RASGRF2: variants seen among roughly 807,000 people sequenced by gnomAD.
RASGRF2 encodes the protein Ras protein specific guanine nucleotide releasing factor 2.
Under a neutral mutation model 151.0 loss-of-function variants are expected in RASGRF2, and 76 were observed. That is an observed-to-expected ratio of 0.50 (90% CI 0.42 to 0.61). The LOEUF (loss-of-function observed/expected upper bound fraction) is 0.61, where lower values mean the gene tolerates loss of function less well. Among genes scored for constraint, RASGRF2 ranks in the 20% least tolerant of loss-of-function variants. The pLI is 0.00. For missense variants in RASGRF2, 1,148 were observed against 1,564.6 expected, an observed-to-expected ratio of 0.73 and a Z score of 4.49; for synonymous variants, 504 against 566.5, an observed-to-expected ratio of 0.89 and a Z score of 1.57.
intron 4 of RASGRF2, among the ~76,000 whole-genome samples, chr5:81,071,855 A>G (rs1751786379): frequency 6.6e-6 from 1 of 152,176 alleles, no homozygotes; most frequent in Non-Finnish European, 1.5e-5. Context: ...TAAGTGAAGC[A>G]TCTATTGGTC....
rs145396137 is a variant in RASGRF2 at position 81,085,445 on chromosome 5, C to G, written c.1162-357C>G. The stretch of plus-strand genomic sequence containing the variant: ...CAAATGGACTAATATATCTAAAATA[C>G]AGACTCAAGTGACTTGATGATAGCT... On this transcript the variant is annotated intron_variant, in intron 7 of 26. Transcript: ENST00000265080. Among the ~76,000 whole-genome samples, 392 of 152,260 alleles carry G rather than the reference C, an allele frequency of 2.6e-3. 2 individuals carry two copies. The highest frequency in any genetic ancestry group is 6.6e-3 in the Admixed American group (101 of 15,292).
chr5:81,059,227 A>G (rs1423572873), intron 2 of RASGRF2, among the ~76,000 whole-genome samples: 1 of 151,752 alleles, frequency 6.6e-6, no homozygotes, highest in African/African-American at 2.4e-5. Flanking sequence ...ACTAAAAAAT[A>G]CAAAAAATTA....
chr5:81,033,634 T>C (rs1474097663), intron 1 of RASGRF2, among the ~76,000 whole-genome samples: 2 of 150,954 alleles, frequency 1.3e-5, no homozygotes, highest in Admixed American at 6.6e-5. Flanking sequence ...TTACACCTTA[T>C]ACAAAAATTA....
chr5:81,068,483 GT>G (rs769752470), intron 3 of RASGRF2, among the ~76,000 whole-genome samples: 1 of 150,006 alleles, frequency 6.7e-6, no homozygotes, highest in Admixed American at 6.7e-5. Context: ...GCATTTAACT[GT>G]TTTCAGATAC....
chr5:81,117,023 T>A (rs533651013), intron 15 of RASGRF2, among the ~76,000 whole-genome samples: 152 of 152,356 alleles, frequency 1.0e-3, no homozygotes, highest in African/African-American at 3.4e-3. Context: ...CTATTTGATA[T>A]CAGCATGATT....
rs1253032502 is a variant in RASGRF2, at chr5:81,068,056, G to A, written c.420G>A (p.Arg140=). The A allele has an allele frequency of 6.2e-7, 1 of 1,606,364 alleles. No individual in the cohort carries two copies. The highest frequency in any genetic ancestry group is 1.1e-5 in the South Asian group (1 of 89,744). ...QASYADILIE[R]EVLMQKYIHL... The stretch of plus-strand genomic sequence containing the variant: ...GTTATGCAGACATTTTGATTGAGAG[G>A]GAAGTATTAATGCAGAAGTACATTC... The change falls in exon 3 of 27, where the codon AGG becomes AGA. Residue 140 remains arginine (R), a synonymous_variant. Transcript: ENST00000265080.
At chr5:80,989,941 A>G (rs746396490) in intron 1 of RASGRF2, among the ~76,000 whole-genome samples, 12 of 152,118 alleles carry the variant, frequency 7.9e-5, no homozygotes, top group South Asian at 2.1e-4. Context: ...TCAGACCACT[A>G]TTGTTTGTCT....
rs1201798094 is a variant in RASGRF2, at chr5:81,228,422, G to GT, written c.*2658dup. 6.6e-6 allele frequency: 1 copy of GT among 152,174 alleles called. No homozygotes were observed. The allele number at this position is 152,174 out of a possible 1,614,324, so 9.4% of individuals were successfully genotyped here. A position where few individuals can be genotyped will look rare whatever the true frequency, so the allele number is the denominator to read the frequency against. ...AAAATCCCCAAGAGCAATTTGCAGT[G>GT]TTTTTTCTGGTCGTTAAAGTACCCA... is the stretch of plus-strand genomic sequence containing the variant. On this transcript the variant is annotated 3_prime_UTR_variant, in exon 27 of 27. Coordinates refer to ENST00000265080, the MANE Select transcript of RASGRF2 (RefSeq NM_006909.3).
At position 80,984,084 on chromosome 5, in the gene RASGRF2, A is replaced by G. The variant is rs1212318617; in HGVS notation, c.288+23058A>G. 5.9e-5 allele frequency among the ~76,000 whole-genome samples: 9 copies of G among 152,282 alleles called. No individual in the cohort carries two copies. The East Asian group carries it at 1.7e-3, about 29-fold the overall frequency. On this transcript the variant is annotated intron_variant, in intron 1 of 26. Coordinates refer to ENST00000265080, the MANE Select transcript of RASGRF2 (RefSeq NM_006909.3). ...TTCTTCATCTTTTTTGTTTTTAAAC[A>G]GAGTCTTGTGCTGTTGGGCAGGCTG...
At chr5:81,065,904 A>C (rs577363486) in intron 2 of RASGRF2, among the ~76,000 whole-genome samples, 8 of 152,082 alleles carry the variant, frequency 5.3e-5, no homozygotes, top group Non-Finnish European at 1.2e-4. Flanking sequence ...AACAGAAAAC[A>C]ATTTTCCTAG....
At chr5:81,160,682 AAATAAT>A (rs531513005) in intron 17 of RASGRF2, among the ~76,000 whole-genome samples, 3,451 of 138,454 alleles carry the variant, frequency 0.025, 121 homozygotes, top group African/African-American at 0.073. Flanking sequence ...TCTGTCTCAA[AAATAAT>A]AATAATAATA....
At chr5:81,136,644 C>G (rs1190638600) in intron 17 of RASGRF2, among the ~76,000 whole-genome samples, 1 of 152,128 alleles carries the variant, frequency 6.6e-6, no homozygotes, top group Non-Finnish European at 1.5e-5. Context: ...CTTCCTGGAT[C>G]TGGGTTTCGT....
intron 1 of RASGRF2, among the ~76,000 whole-genome samples, chr5:80,990,077 A>T (rs756415652): frequency 3.9e-5 from 6 of 152,118 alleles, no homozygotes; most frequent in Non-Finnish European, 4.4e-5. Context: ...GGCTGCATAC[A>T]TGTTTTTGCT....
intron 2 of RASGRF2, among the ~76,000 whole-genome samples, chr5:81,053,137 T>A (rs532059543): frequency 1.2e-3 from 185 of 152,292 alleles, no homozygotes; most frequent in African/African-American, 3.5e-3. Flanking sequence ...TTCTTTTTTT[T>A]AATTATACTT....
At chr5:80,999,385 T>A (rs995535295) in intron 1 of RASGRF2, among the ~76,000 whole-genome samples, 2 of 152,136 alleles carry the variant, frequency 1.3e-5, no homozygotes, top group African/African-American at 4.8e-5. Flanking sequence ...GTTGCCCAGG[T>A]TGGTTGGAGT....
intron 2 of RASGRF2, among the ~76,000 whole-genome samples, chr5:81,050,548 G>A (rs1236450142): frequency 6.6e-6 from 1 of 151,934 alleles, no homozygotes; most frequent in East Asian, 1.9e-4. Context: ...CGAACTCCTC[G>A]TGCCACCCCT....
chr5:81,157,804 G>C (rs954825235), intron 17 of RASGRF2, among the ~76,000 whole-genome samples: 4 of 152,242 alleles, frequency 2.6e-5, no homozygotes, highest in South Asian at 4.1e-4. Context: ...TCACTATCAC[G>C]AGAAGAACAT....
intron 2 of RASGRF2, among the ~76,000 whole-genome samples, chr5:81,060,367 G>A (rs137980742): frequency 3.3e-5 from 5 of 152,224 alleles, no homozygotes; most frequent in East Asian, 1.9e-4. Context: ...AGCTAGCCAC[G>A]CATGTCCCTG....
At chr5:81,090,811 T>A (rs1475566910) in intron 9 of RASGRF2, among the ~76,000 whole-genome samples, 1 of 152,248 alleles carries the variant, frequency 6.6e-6, no homozygotes, top group Non-Finnish European at 1.5e-5. Flanking sequence ...ATGTATTCTA[T>A]AATTTCTGAC....
Sources: allele counts gnomAD v4.1 joint callset (sites outside exome capture counted in the v4.1 genomes callset), GRCh38; gene constraint gnomAD v4.1.1; transcripts MANE v1.5; gene names NCBI Gene and HGNC (gene_info 2026-07-23, HGNC 2026-07-21).